Variants in DIRAS2 observed in about 807,000 individuals in gnomAD.
DIRAS2 encodes GTP-binding protein Di-Ras2.
Under a neutral mutation model 13.9 loss-of-function variants are expected in DIRAS2, and 5 were observed. The ratio of observed to expected loss-of-function variants is 0.36; its 90% confidence interval spans 0.19 to 0.76. DIRAS2 has a LOEUF of 0.76. Ranked by LOEUF, DIRAS2 falls within the 30% of genes least tolerant of loss-of-function variation. The pLI is 0.53. For synonymous variants in DIRAS2, 111 were observed against 105.4 expected (o/e 1.05, Z -0.33); for missense variants, 191 against 263.0 (o/e 0.73, Z 1.89).
chr9:90,627,682 T>C (rs1486713391), intron 1 of DIRAS2, among the ~76,000 whole-genome samples: 1 of 152,158 alleles, frequency 6.6e-6, no homozygotes, highest in Non-Finnish European at 1.5e-5. Context: ...AAATGGAAAA[T>C]TGTATGTTAT....
At chr9:90,628,434 T>C (rs1285608733) in intron 1 of DIRAS2, among the ~76,000 whole-genome samples, 1 of 152,210 alleles carries the variant, frequency 6.6e-6, no homozygotes, top group Non-Finnish European at 1.5e-5. Context: ...CATTTCAGAC[T>C]GGGGAGACTA....
chr9:90,623,838 A>C (rs1474200792), intron 1 of DIRAS2, among the ~76,000 whole-genome samples: 1 of 152,228 alleles, frequency 6.6e-6, no homozygotes, highest in Non-Finnish European at 1.5e-5. Context: ...CCAGCTGCTC[A>C]AGACCAACCT....
Position 90,617,113 on chromosome 9 carries a change from A to T in DIRAS2, c.-36-3250T>A, listed in dbSNP as rs1039151374. 2.6e-5 allele frequency among the ~76,000 whole-genome samples: 4 copies of T among 152,250 alleles called. No homozygotes were observed. The East Asian group carries it at 5.8e-4, about 22-fold the overall frequency. ...AGGAAATAGAGCTAATGCTCATGCC[A>T]TGGTAGACAGCTTGTGTAAACTGGC... On this transcript the variant is annotated intron_variant, in intron 1 of 1. Transcript: ENST00000375765.
rs1337322796 is a variant in DIRAS2 at position 90,613,890 on chromosome 9, G to A, written c.-36-27C>T. On this transcript the variant is annotated intron_variant, in intron 1 of 1. Coordinates refer to ENST00000375765, the MANE Select transcript of DIRAS2 (RefSeq NM_017594.5). The surrounding 1 kb of genome is among the most constrained non-coding windows in gnomAD (Gnocchi z 5.6). ...TAGCAAAGGAACCAGATGTTTGAAAGAATTAATAATTAAAATATAAAAACA... is the reference window on the plus strand; with the variant it reads ...TAGCAAAGGAACCAGATGTTTGAAAAAATTAATAATTAAAATATAAAAACA... The A allele has an allele frequency of 1.3e-6, 2 of 1,523,074 alleles. No individual in the cohort carries two copies. Among genetic ancestry groups the A allele is most frequent in the Non-Finnish European group, 1.8e-6 (2 of 1,136,412 alleles). 94.3% of individuals were successfully genotyped at this position (1,523,074 alleles called of 1,614,324 possible).
chr9:90,633,140 T>G (rs1024808433), intron 1 of DIRAS2, among the ~76,000 whole-genome samples: 14 of 152,242 alleles, frequency 9.2e-5, no homozygotes, highest in African/African-American at 3.4e-4. Flanking sequence ...ACAGGCGGCT[T>G]GTAGAGGGCA....
At chr9:90,636,713 G>A (rs1218259328) in intron 1 of DIRAS2, among the ~76,000 whole-genome samples, 1 of 152,146 alleles carries the variant, frequency 6.6e-6, no homozygotes, top group Non-Finnish European at 1.5e-5. Context: ...TAACAAAATG[G>A]TACATAGTCA....
Position 90,613,997 on chromosome 9 carries a change from A to C in DIRAS2, c.-36-134T>G. On this transcript the variant is annotated intron_variant, in intron 1 of 1. Transcript: ENST00000375765. This position sits in a 1 kb window ranked among gnomAD's most constrained non-coding sequence, Gnocchi z 5.6. Reference sequence around the variant, plus strand: ...TTAAAATAGCGACAATTCTAAATCCAATAAATTTGGTCAATCCGCCGTTTT... The same window carrying C: ...TTAAAATAGCGACAATTCTAAATCCCATAAATTTGGTCAATCCGCCGTTTT... 1 of 975,792 alleles carries C rather than the reference A, an allele frequency of 1.0e-6. No individual in the cohort carries two copies. The highest frequency in any genetic ancestry group is 1.5e-6 in the Non-Finnish European group (1 of 687,454). 60.4% of individuals were successfully genotyped at this position (975,792 alleles called of 1,614,324 possible). A position where few individuals can be genotyped will look rare whatever the true frequency, so the allele number is the denominator to read the frequency against.
Position 90,642,371 on chromosome 9 carries a change from G to A in DIRAS2, c.-37+381C>T, listed in dbSNP as rs1587729719. 1.3e-5 allele frequency among the ~76,000 whole-genome samples: 2 copies of A among 152,196 alleles called. 1 individual carries two copies. The highest frequency in any genetic ancestry group is 4.1e-4 in the South Asian group (2 of 4,832). On this transcript the variant is annotated intron_variant, in intron 1 of 1. Coordinates refer to ENST00000375765, the MANE Select transcript of DIRAS2 (RefSeq NM_017594.5). ...GCCGAACCAAACGGCAGTCCCTAGC[G>A]TGCTTGGCTTTTTTCTCACTTTAGA...
intron 1 of DIRAS2, among the ~76,000 whole-genome samples, chr9:90,620,497 C>T (rs1587721114): frequency 6.6e-6 from 1 of 152,304 alleles, no homozygotes; most frequent in East Asian, 1.9e-4. Flanking sequence ...TGGCTCATGC[C>T]TGTAATCCCA....
chr9:90,642,445 A>G (rs1825426990), intron 1 of DIRAS2, among the ~76,000 whole-genome samples: 1 of 152,204 alleles, frequency 6.6e-6, no homozygotes, highest in Non-Finnish European at 1.5e-5. Context: ...CCACATTAAC[A>G]GAAACACCTG....
At chr9:90,625,686 A>G (rs1825261954) in intron 1 of DIRAS2, among the ~76,000 whole-genome samples, 1 of 152,232 alleles carries the variant, frequency 6.6e-6, no homozygotes, top group Non-Finnish European at 1.5e-5. Context: ...ATGTCTGTGC[A>G]TATGCCAGCA....
At chr9:90,641,965 C>CA (rs1825422507) in intron 1 of DIRAS2, among the ~76,000 whole-genome samples, 6 of 152,208 alleles carry the variant, frequency 3.9e-5, no homozygotes, top group Admixed American at 2.0e-4. Context: ...TTCCAGCATT[C>CA]AATGGATGTA....
Position 90,612,067 on chromosome 9 carries a change from A to G in DIRAS2, c.*1161T>C, listed in dbSNP as rs1029449176. On this transcript the variant is annotated 3_prime_UTR_variant, in exon 2 of 2. Transcript: ENST00000375765. ...TAATTGTTTCTAGAGTGAATACTGT[A>G]TTGAACAGCTCTTAGAAGACACGTA... The G allele has an allele frequency of 3.3e-5, 5 of 152,796 alleles. No individual in the cohort carries two copies. Among genetic ancestry groups the G allele is most frequent in the Admixed American group, 6.5e-5 (1 of 15,312 alleles). The allele number at this position is 152,796 out of a possible 1,614,324, so 9.5% of individuals were successfully genotyped here.
At chr9:90,641,378 C>T (rs1159027655) in intron 1 of DIRAS2, among the ~76,000 whole-genome samples, 2 of 152,184 alleles carry the variant, frequency 1.3e-5, no homozygotes, top group East Asian at 1.9e-4. Context: ...GCAATACCCC[C>T]TCCTTTCTCC....
rs1212937057 is a variant in DIRAS2 at position 90,611,090 on chromosome 9, C to T, written c.*2138G>A. The T allele has an allele frequency of 1.3e-5, 2 of 152,180 alleles. No individual in the cohort carries two copies. The highest frequency in any genetic ancestry group is 2.9e-5 in the Non-Finnish European group (2 of 68,034). 9.4% of individuals were successfully genotyped at this position (152,180 alleles called of 1,614,324 possible). The stretch of plus-strand genomic sequence containing the variant: ...TGGCCATGAAGTTCTGTTTCTTCTT[C>T]CATTTAACCTATACCCAAATTAAAA... On this transcript the variant is annotated 3_prime_UTR_variant, in exon 2 of 2. Transcript: ENST00000375765.
intron 1 of DIRAS2, among the ~76,000 whole-genome samples, chr9:90,626,696 A>G (rs965024443): frequency 3.3e-5 from 5 of 152,200 alleles, no homozygotes; most frequent in African/African-American, 1.2e-4. Flanking sequence ...CTAAAATGGT[A>G]CAAAATCTGC....
chr9:90,631,399 C>A (rs1446146975), intron 1 of DIRAS2, among the ~76,000 whole-genome samples: 3 of 152,184 alleles, frequency 2.0e-5, no homozygotes, highest in African/African-American at 7.2e-5. Flanking sequence ...CTAAGAAGAA[C>A]AGGAGACAGC....
chr9:90,626,476 G>T (rs1433100149), intron 1 of DIRAS2, among the ~76,000 whole-genome samples: 1 of 148,168 alleles, frequency 6.7e-6, no homozygotes, highest in Non-Finnish European at 1.5e-5. Flanking sequence ...AACTTGAATA[G>T]ATATTTCTCT....
Position 90,613,642 on chromosome 9 carries a change from C to A in DIRAS2, c.186G>T (p.Thr62=). 6.2e-7 allele frequency: 1 copy of A among 1,614,166 alleles called. No homozygotes were observed. Among genetic ancestry groups the A allele is most frequent in the South Asian group, 1.1e-5 (1 of 91,070 alleles). Residue 62 remains threonine, a synonymous_variant, in exon 2 of 2, where the codon ACG becomes ACT. Transcript: ENST00000375765. The surrounding 1 kb of genome is among the most constrained non-coding windows in gnomAD (Gnocchi z 5.6). The part of the protein sequence containing the change: ...KSICTLQITD[T]TGSHQFPAMQ... ...TGGCCGGGAACTGGTGGCTCCCCGTCGTGTCGGTGATCTGCAATGTGCATA... is the reference window on the plus strand; with the variant it reads ...TGGCCGGGAACTGGTGGCTCCCCGTAGTGTCGGTGATCTGCAATGTGCATA...
Sources: gnomAD v4.1 joint callset for allele counts (sites outside exome capture counted in the v4.1 genomes callset) on GRCh38, gnomAD v4.1.1 for gene constraint, Gnocchi (gnomAD v3.1) non-coding constraint, MANE v1.5 for transcripts, NCBI Gene and HGNC (gene_info 2026-07-23, HGNC 2026-07-21) for gene names.